Variants in TAFA1 observed in about 807,000 individuals in gnomAD.
TAFA1 encodes TAFA chemokine like family member 1.
Under a neutral mutation model 18.5 loss-of-function variants are expected in TAFA1, and 4 were observed. The ratio of observed to expected loss-of-function variants is 0.22; its 90% CI spans 0.11 to 0.49. The LOEUF is 0.49. Ranked by LOEUF, TAFA1 falls within the 20% of genes least tolerant of loss-of-function variation. The pLI is 0.98. For missense variants in TAFA1, 147 were observed against 169.0 expected (o/e 0.87, Z 0.72); for synonymous variants, 56 against 55.2 (o/e 1.01, Z -0.06).
chr3:68,223,782 A>G (rs2066761079), intron 2 of TAFA1, among the ~76,000 whole-genome samples: 1 of 152,116 alleles, frequency 6.6e-6, no homozygotes. Flanking sequence ...GACAAAAGTA[A>G]TTTATGGCAC....
At chr3:68,336,965 C>T (rs1301444747) in intron 2 of TAFA1, among the ~76,000 whole-genome samples, 5 of 152,160 alleles carry the variant, frequency 3.3e-5, no homozygotes, top group Admixed American at 6.5e-5. Context: ...CTCGGTAATC[C>T]GCCCACCTTG....
intron 2 of TAFA1, among the ~76,000 whole-genome samples, chr3:68,348,754 A>G (rs900367491): frequency 1.3e-5 from 2 of 152,128 alleles, no homozygotes; most frequent in Non-Finnish European, 2.9e-5. Flanking sequence ...CCACCCCAAG[A>G]ACATCTGAAA....
chr3:68,460,087 C>T (rs2071747031), intron 3 of TAFA1, among the ~76,000 whole-genome samples: 1 of 151,948 alleles, frequency 6.6e-6, no homozygotes, highest in African/African-American at 2.4e-5. Context: ...AATAGCTTTT[C>T]TTGGTCTCAG....
intron 2 of TAFA1, among the ~76,000 whole-genome samples, chr3:68,112,506 C>T (rs1301521084): frequency 6.6e-6 from 1 of 151,968 alleles, no homozygotes; most frequent in African/African-American, 2.4e-5. Flanking sequence ...TTGGCCAAAA[C>T]CATAAATAGA....
chr3:68,079,831 G>A (rs1206130160), intron 2 of TAFA1, among the ~76,000 whole-genome samples: 1 of 152,120 alleles, frequency 6.6e-6, no homozygotes, highest in Non-Finnish European at 1.5e-5. Context: ...TATTAGGTCG[G>A]CTTGGTGCAG....
At chr3:68,054,526 C>T (rs1300727690) in intron 2 of TAFA1, among the ~76,000 whole-genome samples, 1 of 152,176 alleles carries the variant, frequency 6.6e-6, no homozygotes, top group African/African-American at 2.4e-5. Flanking sequence ...TCCTTTATAG[C>T]AATACAAAAT....
At chr3:68,433,262 C>A (rs1450033155) in intron 3 of TAFA1, among the ~76,000 whole-genome samples, 1 of 152,020 alleles carries the variant, frequency 6.6e-6, no homozygotes, top group East Asian at 1.9e-4. Context: ...CATCAGAACT[C>A]CTTAGTTCCT....
rs547223220 is a variant in TAFA1, at chr3:68,167,670, G to A, written c.118+160926G>A. Among the ~76,000 whole-genome samples the A allele has an allele frequency of 9.9e-5, 15 of 151,844 alleles. No homozygotes were observed. In the South Asian group the frequency reaches 3.1e-3, roughly 32 times the overall value. On this transcript the variant is annotated intron_variant, in intron 2 of 4. Coordinates refer to ENST00000478136, the MANE Select transcript of TAFA1 (RefSeq NM_213609.4). The stretch of plus-strand genomic sequence containing the variant: ...AACCACACTATGTAGTAAGGAATCT[G>A]CATTTTTAAGGAATCTGCATTTTTA...
intron 2 of TAFA1, among the ~76,000 whole-genome samples, chr3:68,116,969 C>T (rs1294586493): frequency 6.6e-6 from 1 of 152,174 alleles, no homozygotes; most frequent in African/African-American, 2.4e-5. Context: ...TACTGTCTGC[C>T]CCTTTACAGA....
intron 2 of TAFA1, among the ~76,000 whole-genome samples, chr3:68,081,667 C>G (rs1161109462): frequency 4.6e-5 from 7 of 152,254 alleles, no homozygotes; most frequent in East Asian, 1.9e-4. Context: ...GCAGTCTGCC[C>G]CTTCTCAGAT....
In TAFA1 at chr3:68,241,920, G is replaced by A. The variant is rs548761411; in HGVS notation, c.119-175360G>A. Among the ~76,000 whole-genome samples the A allele has an allele frequency of 1.2e-4, 19 of 152,310 alleles. No homozygotes were observed. The South Asian group carries it at 2.7e-3, about 22-fold the overall frequency. On this transcript the variant is annotated intron_variant, in intron 2 of 4. Transcript: ENST00000478136. The stretch of plus-strand genomic sequence containing the variant: ...AAATCTGTAATTGGAAAATCTTGAA[G>A]TTTTGCAAATTATCTGAATAGTGCC...
At chr3:68,310,408 C>T (rs1449973956) in intron 2 of TAFA1, among the ~76,000 whole-genome samples, 2 of 152,124 alleles carry the variant, frequency 1.3e-5, no homozygotes, top group African/African-American at 4.8e-5. Context: ...TATTTCAGTA[C>T]TTCAACAAGA....
At chr3:68,458,905 G>A (rs1391928199) in intron 3 of TAFA1, among the ~76,000 whole-genome samples, 1 of 151,984 alleles carries the variant, frequency 6.6e-6, no homozygotes, top group Non-Finnish European at 1.5e-5. Flanking sequence ...CTCTAAAACA[G>A]ATTTACTTTC....
intron 2 of TAFA1, among the ~76,000 whole-genome samples, chr3:68,370,185 G>C (rs1377109224): frequency 7.1e-6 from 1 of 141,178 alleles, no homozygotes; most frequent in Admixed American, 7.4e-5. Flanking sequence ...CTACTAGGGA[G>C]GCTGAGACAG....
chr3:68,153,450 T>C (rs1422143286), intron 2 of TAFA1, among the ~76,000 whole-genome samples: 4 of 152,182 alleles, frequency 2.6e-5, no homozygotes, highest in African/African-American at 7.2e-5. Context: ...GTGGAAAGAA[T>C]AGGAATTTTG....
chr3:68,509,447 A>G (rs2072813743), intron 3 of TAFA1, among the ~76,000 whole-genome samples: 1 of 152,054 alleles, frequency 6.6e-6, no homozygotes, highest in Non-Finnish European at 1.5e-5. Context: ...CCACTCTTCC[A>G]CTAGGTTAGG....
chr3:68,252,136 C>G (rs1341810303), intron 2 of TAFA1, among the ~76,000 whole-genome samples: 1 of 152,118 alleles, frequency 6.6e-6, no homozygotes, highest in Non-Finnish European at 1.5e-5. Context: ...CTTCCTTGAT[C>G]CTAAATGTCA....
rs1471106795 is a variant in TAFA1, at chr3:68,004,326, G to A, written c.-380G>A. On this transcript the variant is annotated 5_prime_UTR_variant, in exon 1 of 5. In the 5' UTR this introduces an upstream ATG that the reference lacks. Coordinates refer to ENST00000478136, the MANE Select transcript of TAFA1 (RefSeq NM_213609.4). Reference sequence around the variant, plus strand: ...CTTACTCTGCCCCGAATGCACTGGAGTGGGGATGGTCCATCGGCAACTATA... The same window carrying A: ...CTTACTCTGCCCCGAATGCACTGGAATGGGGATGGTCCATCGGCAACTATA... 1.3e-5 allele frequency: 2 copies of A among 152,170 alleles called. No homozygotes were observed. Among genetic ancestry groups the A allele is most frequent in the Non-Finnish European group, 2.9e-5 (2 of 68,046 alleles). 9.4% of individuals were successfully genotyped at this position (152,170 alleles called of 1,614,324 possible). A position where few individuals can be genotyped will look rare whatever the true frequency, so the allele number is the denominator to read the frequency against.
chr3:68,060,319 C>T (rs1261285878), intron 2 of TAFA1, among the ~76,000 whole-genome samples: 1 of 152,112 alleles, frequency 6.6e-6, no homozygotes, highest in Non-Finnish European at 1.5e-5. Flanking sequence ...TCAGCCTTCT[C>T]CTGTGGCACC....
Sources: gnomAD v4.1 joint callset for allele counts (sites outside exome capture counted in the v4.1 genomes callset) on GRCh38, gnomAD v4.1.1 for gene constraint, MANE v1.5 for transcripts, NCBI Gene and HGNC (gene_info 2026-07-23, HGNC 2026-07-21) for gene names.